The following SPTAN1 variants were observed in gnomAD, a reference collection of about 807,000 sequenced individuals.
SPTAN1 encodes spectrin alpha chain, non-erythrocytic 1.
A neutral mutation model predicts 331.3 loss-of-function variants in SPTAN1; 61 were observed. The ratio of observed to expected loss-of-function variants is 0.18; its 90% confidence interval spans 0.15 to 0.23. SPTAN1 has a LOEUF of 0.23. Among genes scored for constraint, SPTAN1 ranks in the 10% least tolerant of loss-of-function variants. The pLI, the probability that SPTAN1 is intolerant of heterozygous loss-of-function variation, is 1.00. For missense variants in SPTAN1, 2,043 were observed against 3,147.9 expected, an observed-to-expected ratio of 0.65 and a Z score of 8.40; for synonymous variants, 1,153 against 1,173.9, an observed-to-expected ratio of 0.98 and a Z score of 0.36.
At position 128,598,484 on chromosome 9, in the gene SPTAN1, G is replaced by T; in HGVS notation, c.3499G>T (p.Val1167Leu). 1 of 1,609,680 alleles carries T rather than the reference G, an allele frequency of 6.2e-7. No individual in the cohort carries two copies. Among genetic ancestry groups the T allele is most frequent in the Non-Finnish European group, 8.5e-7 (1 of 1,178,126 alleles). Residue 1167 changes from valine (V) to leucine (L), a missense_variant, in exon 25 of 57, where the codon GTG becomes TTG. Physicochemically the swap from Val to Leu is conservative, Grantham distance 32. This residue lies in a region of SPTAN1 where 1,038 missense variants were observed against 1,531.5 expected (regional missense o/e 0.68). Transcript: ENST00000372739. ...GTCTGAAGGTCTCATGGCAGAGGAGGTGCAGGCTGTGCAACAACAGGTAGG... is the reference window on the plus strand; with the variant it reads ...GTCTGAAGGTCTCATGGCAGAGGAGTTGCAGGCTGTGCAACAACAGGTAGG... ...LESEGLMAEEVQAVQQQEVYG... is the reference protein window; with the variant it reads ...LESEGLMAEELQAVQQQEVYG...
chr9:128,580,509 C>T (rs1288292989), intron 10 of SPTAN1, among the ~76,000 whole-genome samples: 1 of 151,942 alleles, frequency 6.6e-6, no homozygotes, highest in Non-Finnish European at 1.5e-5. Context: ...GCTTCGGAGC[C>T]TAAAGTCTAG....
At chr9:128,598,652 T>G in intron 25 of SPTAN1, 148 bp downstream of exon 25, 2 of 761,898 alleles carry the variant, frequency 2.6e-6, no homozygotes, top group Non-Finnish European at 4.6e-6. Flanking sequence ...ACCAAAACCA[T>G]TTTGATTAAC....
Position 128,588,893 on chromosome 9 carries a change from G to A in SPTAN1, c.2956G>A (p.Val986Ile), listed in dbSNP as rs1376813088. 1.2e-6 allele frequency: 2 copies of A among 1,614,010 alleles called. No individual in the cohort carries two copies. The highest frequency in any genetic ancestry group is 1.3e-5 in the African/African-American group (1 of 74,908). ...YDYQEKSPRE[V>I]TMKKGDILTL... ...CTATCAGGAGAAGAGTCCCCGAGAG[G>A]TCACCATGAAGAAGGGAGATATCCT... Residue 986 changes from valine to isoleucine, a missense_variant, in exon 21 of 57, where the codon GTC (valine) becomes ATC (isoleucine). Physicochemically the swap from Val to Ile is conservative, Grantham distance 29 (BLOSUM62 3). Around this residue, in one of 12 missense-constraint regions of SPTAN1, gnomAD observed 1,038 missense variants for 1,531.5 expected, o/e 0.68. Coordinates refer to ENST00000372739, the MANE Select transcript of SPTAN1 (RefSeq NM_001130438.3).
At chr9:128,608,830 C>T in intron 34 of SPTAN1, 44 bp from the exon 35 acceptor site, 1 of 1,591,134 alleles carries the variant, frequency 6.3e-7, no homozygotes, top group Non-Finnish European at 8.6e-7. Flanking sequence ...AGGCAGGGCC[C>T]AGCCACAGGC....
rs529043556 is a variant in SPTAN1 at position 128,626,897 on chromosome 9, C to G, written c.6576+210C>G. On this transcript the variant is annotated intron_variant, in intron 49 of 56. Coordinates refer to ENST00000372739, the MANE Select transcript of SPTAN1 (RefSeq NM_001130438.3). ...TGGTGCTACCATGGCTCCCTGTAGC[C>G]TCAACCTCCCAGGCTCAGGTGATCC... 2.0e-4 allele frequency: 131 copies of G among 654,044 alleles called. No homozygotes were observed. The East Asian group carries it at 3.6e-3, about 18-fold the overall frequency. The allele number at this position is 654,044 out of a possible 1,614,324, so 40.5% of individuals were successfully genotyped here. A position where few individuals can be genotyped will look rare whatever the true frequency, so the allele number is the denominator to read the frequency against.
At chr9:128,609,418 C>G in intron 36 of SPTAN1, 134 bp downstream of exon 36, 1 of 1,383,550 alleles carries the variant, frequency 7.2e-7, no homozygotes, top group South Asian at 1.2e-5. Flanking sequence ...GTAAGCCCAG[C>G]CAGTGGGAAA....
rs1364724669 is a variant in SPTAN1, at chr9:128,633,234, A to G, written c.7334A>G (p.Tyr2445Cys). The part of the protein sequence containing the change: ...YQNLTREQAD[Y>C]CVSHMKPYVD... ...AACCTGACCCGGGAACAAGCCGACT[A>G]CTGCGTCTCCCACATGAAGCCCTAC... Residue 2445 changes from tyrosine to cysteine, a missense_variant, in exon 57 of 57, where the codon TAC becomes TGC. Around this residue, in one of 12 missense-constraint regions of SPTAN1, gnomAD observed 88 missense variants for 96.5 expected, o/e 0.91. Transcript: ENST00000372739. The G allele has an allele frequency of 1.2e-6, 2 of 1,614,086 alleles. No homozygotes were observed. Among genetic ancestry groups the G allele is most frequent in the Non-Finnish European group, 1.7e-6 (2 of 1,180,030 alleles).
At chr9:128,617,443 TCATAGATG>T (rs1857311330) in intron 41 of SPTAN1, among the ~76,000 whole-genome samples, 189 bp from the exon 42 acceptor site, 1 of 152,044 alleles carries the variant, frequency 6.6e-6, no homozygotes, top group South Asian at 2.1e-4. Context: ...ACAGCAGGGC[TCATAGATG>T]CATAGATGGA....
intron 39 of SPTAN1, 57 bp downstream of exon 39, chr9:128,612,303 G>T: frequency 6.2e-7 from 1 of 1,612,796 alleles, no homozygotes. Context: ...ATTTGGCACA[G>T]TGGGTCCATC....
chr9:128,606,948 C>T (rs1589306006), intron 31 of SPTAN1, among the ~76,000 whole-genome samples: 1 of 152,082 alleles, frequency 6.6e-6, no homozygotes, highest in Admixed American at 6.6e-5. Flanking sequence ...CTTAACTAAT[C>T]ACCCCCTCTT....
intron 3 of SPTAN1, among the ~76,000 whole-genome samples, chr9:128,570,330 A>ATAT (rs1850540639): frequency 4.2e-5 from 3 of 71,892 alleles, no homozygotes; most frequent in African/African-American, 1.8e-4. Context: ...ATATATATAT[A>ATAT]TTTTTTTTTT....
chr9:128,615,745 C>G lies in SPTAN1; in HGVS notation c.5262C>G (p.Ile1754Met), dbSNP rs1334875679. ...RDTINGRFQK[I>M]KSMAASRRAK... ...CCATCAACGGGCGCTTCCAGAAGAT[C>G]AAGAGCATGGCGGCCTCCCGGCGAG... The change falls in exon 41 of 57, where the codon ATC becomes ATG. Residue 1754 changes from isoleucine to methionine, a missense_variant. Ile to Met is a conservative substitution (Grantham distance 10, BLOSUM62 1). Coordinates refer to ENST00000372739, the MANE Select transcript of SPTAN1 (RefSeq NM_001130438.3). The G allele has an allele frequency of 6.2e-7, 1 of 1,614,236 alleles. No individual in the cohort carries two copies.
In SPTAN1 at chr9:128,607,950, G is replaced by A; in HGVS notation, c.4245G>A (p.Glu1415=). ...CTCACGGACACTATGCCAGCCCTGA[G>A]ATCAAGCAGAAACTTGATATTCTTG... The part of the protein sequence containing the change: ...LLAHGHYASP[E]IKQKLDILDQ... Residue 1415 remains glutamate (E), a synonymous_variant, in exon 33 of 57, where the codon GAG becomes GAA. Coordinates refer to ENST00000372739, the MANE Select transcript of SPTAN1 (RefSeq NM_001130438.3). 1 of 1,614,116 alleles carries A rather than the reference G, an allele frequency of 6.2e-7. No homozygotes were observed. Among genetic ancestry groups the A allele is most frequent in the Non-Finnish European group, 8.5e-7 (1 of 1,180,022 alleles).
chr9:128,632,124 C>T lies in SPTAN1; in HGVS notation c.6763-3C>T. ...TGAGCATCTGTGCTCCCCACCCCTG[C>T]AGCGCAAGCACCAGGAAATCCGAGC... On this transcript the variant is annotated splice_region_variant and splice_polypyrimidine_tract_variant and intron_variant, in intron 52 of 56. Coordinates refer to ENST00000372739, the MANE Select transcript of SPTAN1 (RefSeq NM_001130438.3). The T allele has an allele frequency of 6.2e-7, 1 of 1,613,028 alleles. No individual in the cohort carries two copies. Among genetic ancestry groups the T allele is most frequent in the Non-Finnish European group, 8.5e-7 (1 of 1,179,934 alleles).
intron 51 of SPTAN1, 70 bp from the exon 52 acceptor site, chr9:128,630,251 G>A (rs757049204): frequency 2.6e-6 from 4 of 1,554,202 alleles, no homozygotes; most frequent in Non-Finnish European, 3.6e-6. Flanking sequence ...CTCTCTCTGA[G>A]AGAAGGTTCA....
chr9:128,554,629 G>T (rs1458641392), intron 1 of SPTAN1, among the ~76,000 whole-genome samples: 4 of 152,192 alleles, frequency 2.6e-5, no homozygotes, highest in African/African-American at 7.2e-5. Context: ...TCAGTCCTCC[G>T]TGGGCTATGC....
chr9:128,596,905 A>G (rs920580479), intron 24 of SPTAN1, among the ~76,000 whole-genome samples: 4 of 152,078 alleles, frequency 2.6e-5, no homozygotes, highest in African/African-American at 7.2e-5. Context: ...CATGCCTGTA[A>G]TCCCAGCACT....
At chr9:128,594,642 G>T (rs1031034317) in intron 24 of SPTAN1, among the ~76,000 whole-genome samples, 4 of 151,644 alleles carry the variant, frequency 2.6e-5, no homozygotes, top group Admixed American at 2.0e-4. Context: ...ATGTTGGCCA[G>T]ACTGGTCTCA....
rs1351958243 is a variant in SPTAN1, at chr9:128,584,718, C to T, written c.2438-3C>T. On this transcript the variant is annotated splice_polypyrimidine_tract_variant and splice_region_variant and intron_variant, in intron 17 of 56. Coordinates refer to ENST00000372739, the MANE Select transcript of SPTAN1 (RefSeq NM_001130438.3). ...ATAACTGGGGACTGGTGTCTGCTTT[C>T]AGGTAAGGATTTAATTGGGGTCCAG... 1 of 1,614,068 alleles carries T rather than the reference C, an allele frequency of 6.2e-7. No individual in the cohort carries two copies. Among genetic ancestry groups the T allele is most frequent in the Non-Finnish European group, 8.5e-7 (1 of 1,180,058 alleles).
Sources: gnomAD v4.1 joint callset for allele counts (sites outside exome capture counted in the v4.1 genomes callset) on GRCh38, gnomAD v4.1.1 for gene constraint, gnomAD v4.1.1 regional missense constraint, MANE v1.5 for transcripts, NCBI Gene and HGNC (gene_info 2026-07-23, HGNC 2026-07-21) for gene names.